CACNA2D1: variants seen among roughly 807,000 people sequenced by gnomAD.
CACNA2D1 encodes the protein calcium voltage-gated channel auxiliary subunit alpha2delta 1.
In CACNA2D1, 53 loss-of-function variants were observed where a neutral mutation model predicts 171.5. The observed-to-expected ratio is 0.31, with a 90% CI of 0.25 to 0.39. The LOEUF (loss-of-function observed/expected upper bound fraction) is 0.39. Ranked by LOEUF, CACNA2D1 falls within the 10% of genes least tolerant of loss-of-function variation. The probability of loss-of-function intolerance (pLI) is 1.00; values close to 1 mark genes in which losing one functional copy is unlikely to be tolerated. For missense variants in CACNA2D1, 903 were observed against 1,299.8 expected (o/e 0.69, Z 4.69); for synonymous variants, 442 against 443.1 (o/e 1.00, Z 0.03).
chr7:82,021,127 G>C (rs750005537), intron 12 of CACNA2D1: 3 of 152,058 alleles, frequency 2.0e-5, no homozygotes, highest in Admixed American at 2.0e-4. Context: ...TTTAGTACTA[G>C]ATAAAGGAAG....
chr7:82,038,563 A>G (rs1431263946), intron 10 of CACNA2D1, among the ~76,000 whole-genome samples: 3 of 152,248 alleles, frequency 2.0e-5, no homozygotes, highest in African/African-American at 4.8e-5. Context: ...GCAATGAAAT[A>G]GATGCAGGAT....
chr7:82,080,834 T>C (rs1489386680), intron 7 of CACNA2D1, among the ~76,000 whole-genome samples: 1 of 152,208 alleles, frequency 6.6e-6, no homozygotes, highest in African/African-American at 2.4e-5. Flanking sequence ...ACTGTAAGCT[T>C]CAATTATGTT....
chr7:82,396,053 T>C (rs959213430), intron 1 of CACNA2D1, among the ~76,000 whole-genome samples: 2 of 152,248 alleles, frequency 1.3e-5, no homozygotes, highest in Non-Finnish European at 2.9e-5. Flanking sequence ...TTTTAGTAAT[T>C]ACCAGTTAAA....
chr7:82,256,586 T>C (rs985874569), intron 3 of CACNA2D1, among the ~76,000 whole-genome samples: 1 of 152,178 alleles, frequency 6.6e-6, no homozygotes, highest in Admixed American at 6.5e-5. Context: ...GTATAGTGTA[T>C]ACAGCAAAGA....
intron 3 of CACNA2D1, among the ~76,000 whole-genome samples, chr7:82,325,508 CTTTGA>C (rs891520574): frequency 3.9e-5 from 6 of 152,070 alleles, no homozygotes; most frequent in African/African-American, 1.2e-4. Flanking sequence ...GGACAGACTG[CTTTGA>C]TTTAACTGGA....
intron 7 of CACNA2D1, among the ~76,000 whole-genome samples, chr7:82,079,772 G>C (rs1340043455): frequency 8.6e-5 from 13 of 151,910 alleles, no homozygotes; most frequent in Non-Finnish European, 1.5e-5. Flanking sequence ...GGTTACAAGG[G>C]AGGAAGAGAT....
chr7:82,333,188 C>T (rs1412514886), intron 3 of CACNA2D1, among the ~76,000 whole-genome samples: 2 of 152,078 alleles, frequency 1.3e-5, no homozygotes, highest in African/African-American at 4.8e-5. Context: ...TCAATTTGGT[C>T]TGAATCAATA....
intron 6 of CACNA2D1, among the ~76,000 whole-genome samples, chr7:82,099,372 T>C (rs1812342121): frequency 1.3e-5 from 2 of 151,764 alleles, no homozygotes; most frequent in East Asian, 1.9e-4. Flanking sequence ...ATATATTCTT[T>C]CTTTTTCTAT....
rs559694577 is a variant in CACNA2D1, at chr7:82,128,099, T to G, written c.396+8536A>C. Among the ~76,000 whole-genome samples the G allele has an allele frequency of 2.4e-4, 36 of 151,456 alleles. 1 individual carries two copies. In the South Asian group the frequency reaches 2.7e-3, roughly 11 times the overall value. On this transcript the variant is annotated intron_variant, in intron 5 of 38. Coordinates refer to ENST00000356860, the MANE Select transcript of CACNA2D1 (RefSeq NM_000722.4). The stretch of plus-strand genomic sequence containing the variant: ...CCACCATGCCCAGCTAATTTTAGTT[T>G]TTTTTTTTTTTGTAGAGACAGGGTG...
At chr7:81,953,242 C>T (rs935951283) in intron 38 of CACNA2D1, among the ~76,000 whole-genome samples, 5 of 152,188 alleles carry the variant, frequency 3.3e-5, no homozygotes, top group East Asian at 1.9e-4. Context: ...CTTTTATAAA[C>T]GCTTCTCCAA....
chr7:82,156,745 G>C (rs1051523690), intron 4 of CACNA2D1, among the ~76,000 whole-genome samples: 2 of 151,762 alleles, frequency 1.3e-5, no homozygotes, highest in Non-Finnish European at 2.9e-5. Flanking sequence ...GAAATGAAAA[G>C]CTGAGTAGAT....
rs556568135 is a variant in CACNA2D1 at position 82,230,952 on chromosome 7, G to T, written c.295-60343C>A. On this transcript the variant is annotated intron_variant, in intron 3 of 38. Transcript: ENST00000356860. ...GCGCCAAGTCAGATTCATCTTTATA[G>T]TCTCACATCTGTACCTCTGATACAT... is the stretch of plus-strand genomic sequence containing the variant. 5.9e-5 allele frequency among the ~76,000 whole-genome samples: 9 copies of T among 152,256 alleles called. No individual in the cohort carries two copies. In the South Asian group the frequency reaches 1.9e-3, roughly 32 times the overall value.
intron 6 of CACNA2D1, among the ~76,000 whole-genome samples, chr7:82,096,353 G>A (rs1055278633): frequency 1.3e-5 from 2 of 152,088 alleles, no homozygotes; most frequent in Non-Finnish European, 2.9e-5. Context: ...GGCCTATCAA[G>A]ACAGACAGGA....
At chr7:81,967,072 T>TCAAAGGC in intron 31 of CACNA2D1, 97 bp downstream of exon 31, 1 of 825,166 alleles carries the variant, frequency 1.2e-6, no homozygotes, top group Non-Finnish European at 2.0e-6. Context: ...TAGCCTTTGA[T>TCAAAGGC]TAAAAAATTC....
At chr7:82,332,398 T>C (rs1354999802) in intron 3 of CACNA2D1, among the ~76,000 whole-genome samples, 4 of 152,012 alleles carry the variant, frequency 2.6e-5, no homozygotes, top group African/African-American at 7.2e-5. Context: ...TCTAGCAACA[T>C]GGTGTAACAA....
chr7:82,295,160 C>G (rs996389182), intron 3 of CACNA2D1, among the ~76,000 whole-genome samples: 1 of 151,948 alleles, frequency 6.6e-6, no homozygotes, highest in African/African-American at 2.4e-5. Context: ...GGAAAAAGAA[C>G]CTTAAACATA....
chr7:82,400,861 A>G, intron 1 of CACNA2D1, among the ~76,000 whole-genome samples: 1 of 151,972 alleles, frequency 6.6e-6, no homozygotes, highest in Non-Finnish European at 1.5e-5. Context: ...ATTTACAAGA[A>G]AAAAACAAAC....
intron 4 of CACNA2D1, among the ~76,000 whole-genome samples, chr7:82,154,944 T>C (rs1298493757): frequency 5.3e-5 from 8 of 152,094 alleles, no homozygotes. Flanking sequence ...GAGAGGTGAC[T>C]GGATCATGGG....
intron 7 of CACNA2D1, among the ~76,000 whole-genome samples, chr7:82,067,726 TTGTG>T (rs1453689759): frequency 6.6e-6 from 1 of 152,190 alleles, no homozygotes; most frequent in African/African-American, 2.4e-5. Flanking sequence ...ATAATCCTTT[TTGTG>T]TGTATGTGTG....
Sources: allele counts gnomAD v4.1 joint callset (sites outside exome capture counted in the v4.1 genomes callset), GRCh38; gene constraint gnomAD v4.1.1; transcripts MANE v1.5; gene names NCBI Gene and HGNC (gene_info 2026-07-23, HGNC 2026-07-21).